The following KLHL17 variants were observed in gnomAD, a reference collection of about 807,000 sequenced individuals.
KLHL17 encodes kelch like family member 17.
In KLHL17, 71 loss-of-function variants were observed where a neutral mutation model predicts 64.6. The ratio of observed to expected loss-of-function variants is 1.10; its 90% CI spans 0.91 to 1.34. The LOEUF (loss-of-function observed/expected upper bound fraction) is 1.34. KLHL17 is among the 40% of genes most tolerant of loss of function. The probability of loss-of-function intolerance (pLI) is 0.00; values close to 1 mark genes in which losing one functional copy is unlikely to be tolerated. For missense variants in KLHL17, 1,140 were observed against 935.0 expected (o/e 1.22, Z -2.86); for synonymous variants, 612 against 405.4 (o/e 1.51, Z -6.12).
In KLHL17 at chr1:961,500, G is replaced by T; in HGVS notation, c.315G>T (p.Ala105=). ...ACGTGGCTGCCAAGGAGATCCGTGC[G>T]CACAAAGTGGTGCTGGCCTCCTGCA... ...VLHVAAKEIR[A]HKVVLASCSP... Residue 105 remains alanine (A), a synonymous_variant, in exon 2 of 12, where the codon GCG becomes GCT. Transcript: ENST00000338591. 1 of 1,612,532 alleles carries T rather than the reference G, an allele frequency of 6.2e-7. No individual in the cohort carries two copies.
In KLHL17 at chr1:964,544, C is replaced by A. The variant is rs1232319559; in HGVS notation, c.1700+14C>A. On this transcript the variant is annotated intron_variant, in intron 11 of 11. Transcript: ENST00000338591. The stretch of plus-strand genomic sequence containing the variant: ...GAATATCCGCAGGTCCGCAGTGGGG[C>A]TGCGGGGAGGGGGGCGCGGGTCCGC... The A allele has an allele frequency of 1.4e-5, 20 of 1,402,668 alleles. 7 individuals are homozygous for A. The highest frequency in any genetic ancestry group is 9.6e-6 in the Non-Finnish European group (10 of 1,045,360). The allele number at this position is 1,402,668 out of a possible 1,614,324, so 86.9% of individuals were successfully genotyped here. A position where few individuals can be genotyped will look rare whatever the true frequency, so the allele number is the denominator to read the frequency against.
rs148999970 is a variant in KLHL17, at chr1:962,802, C to T, written c.927C>T (p.Asp309=). ...SLVRHHPDCK[D]LLIEALKFHL... ...TGAGGCACCACCCTGACTGCAAGGA[C>T]CTCCTCATCGAGGCCCTGAAGTTCC... Residue 309 remains aspartate (D), a synonymous_variant, in exon 6 of 12, where the codon GAC becomes GAT. Coordinates refer to ENST00000338591, the MANE Select transcript of KLHL17 (RefSeq NM_198317.3). 6.3e-5 allele frequency: 101 copies of T among 1,610,412 alleles called. No homozygotes were observed. The highest frequency in any genetic ancestry group is 3.1e-4 in the African/African-American group (23 of 75,034).
intron 9 of KLHL17, 31 bp from the exon 10 acceptor site, chr1:964,076 G>C: frequency 6.2e-7 from 1 of 1,612,676 alleles, no homozygotes; most frequent in Non-Finnish European, 8.5e-7. Context: ...ACTCCCAGCA[G>C]GAGTGCCACG....
rs748181786 is a variant in KLHL17 at position 961,507 on chromosome 1, G to C, written c.322G>C (p.Val108Leu). 2 of 1,612,582 alleles carry C rather than the reference G, an allele frequency of 1.2e-6. No individual in the cohort carries two copies. Among genetic ancestry groups the C allele is most frequent in the Admixed American group, 1.7e-5 (1 of 60,016 alleles). Residue 108 changes from valine (V) to leucine (L), a missense_variant, in exon 2 of 12, where the codon GTG becomes CTG. Coordinates refer to ENST00000338591, the MANE Select transcript of KLHL17 (RefSeq NM_198317.3). The part of the protein sequence containing the change: ...VAAKEIRAHK[V>L]VLASCSPYFH... ...TGCCAAGGAGATCCGTGCGCACAAAGTGGTGCTGGCCTCCTGCAGCCCCTA... is the reference window on the plus strand; with the variant it reads ...TGCCAAGGAGATCCGTGCGCACAAACTGGTGCTGGCCTCCTGCAGCCCCTA...
At position 961,871 on chromosome 1, in the gene KLHL17, G is replaced by A. The variant is rs150756317; in HGVS notation, c.535G>A (p.Asp179Asn). 1.2e-6 allele frequency: 2 copies of A among 1,612,152 alleles called. No homozygotes were observed. The highest frequency in any genetic ancestry group is 1.1e-5 in the South Asian group (1 of 91,088). ...ASLLQLNGVR[D>N]ACCKFLLSQL... ...TCTCCTGCAGCTGAATGGCGTCCGA[G>A]ACGCTTGCTGCAAGTTTCTACTGAG... The change falls in exon 4 of 12, where the codon GAC becomes AAC. Residue 179 changes from aspartate (D) to asparagine (N), a missense_variant. Asp to Asn is a conservative substitution (Grantham distance 23, BLOSUM62 1). Coordinates refer to ENST00000338591, the MANE Select transcript of KLHL17 (RefSeq NM_198317.3).
In KLHL17 at chr1:963,797, C is replaced by T. The variant is rs1018152489; in HGVS notation, c.1356-123C>T. 24 of 1,166,176 alleles carry T rather than the reference C, an allele frequency of 2.1e-5. No homozygotes were observed. The East Asian group carries it at 4.7e-4, about 23-fold the overall frequency. 72.2% of individuals were successfully genotyped at this position (1,166,176 alleles called of 1,614,324 possible). A position where few individuals can be genotyped will look rare whatever the true frequency, so the allele number is the denominator to read the frequency against. On this transcript the variant is annotated intron_variant, in intron 8 of 11. Coordinates refer to ENST00000338591, the MANE Select transcript of KLHL17 (RefSeq NM_198317.3). Reference sequence around the variant, plus strand: ...CACCAGCGGGCCCTGCCTGGTAGGACTTTGCGGTCTGAGTTTGACTCCTAG... The same window carrying T: ...CACCAGCGGGCCCTGCCTGGTAGGATTTTGCGGTCTGAGTTTGACTCCTAG...
intron 5 of KLHL17, 84 bp downstream of exon 5, chr1:962,555 G>A (rs541059567): frequency 1.0e-5 from 16 of 1,560,438 alleles, no homozygotes; most frequent in Middle Eastern, 4.2e-4. Flanking sequence ...GACCTTCCCC[G>A]AGTTCAGGGA....
intron 5 of KLHL17, 71 bp from the exon 6 acceptor site, chr1:962,633 G>T: frequency 6.5e-7 from 1 of 1,529,768 alleles, no homozygotes; most frequent in South Asian, 1.3e-5. Flanking sequence ...GGGCATCTGG[G>T]GGGTTGTCTC....
At position 961,696 on chromosome 1, in the gene KLHL17, G is replaced by A. The variant is rs1234980804; in HGVS notation, c.435G>A (p.Gln145=). ...LHDIDPQALD[Q]LVQFAYTAEI... ...ACATCGACCCTCAGGCCTTGGACCA[G>A]CTGGTGCAGTTTGCCTACACGGCTG... is the stretch of plus-strand genomic sequence containing the variant. The change falls in exon 3 of 12, where the codon CAG becomes CAA. Residue 145 remains glutamine, a synonymous_variant. Coordinates refer to ENST00000338591, the MANE Select transcript of KLHL17 (RefSeq NM_198317.3). 1.2e-6 allele frequency: 2 copies of A among 1,612,386 alleles called. No individual in the cohort carries two copies. Among genetic ancestry groups the A allele is most frequent in the Non-Finnish European group, 1.7e-6 (2 of 1,179,550 alleles).
In KLHL17 at chr1:962,735, G is replaced by T; in HGVS notation, c.860G>T (p.Ser287Ile). The change falls in exon 6 of 12, where the codon AGC (serine) becomes ATC (isoleucine). Residue 287 changes from serine to isoleucine, a missense_variant. Transcript: ENST00000338591. ...AAGTGTGTGCGGCTGCCCTTGCTGAGCCGCGACTTCCTGCTGGGCCACGTG... is the reference window on the plus strand; with the variant it reads ...AAGTGTGTGCGGCTGCCCTTGCTGATCCGCGACTTCCTGCTGGGCCACGTG... The part of the protein sequence containing the change: ...LMKCVRLPLL[S>I]RDFLLGHVDA... 1 of 1,609,060 alleles carries T rather than the reference G, an allele frequency of 6.2e-7. No homozygotes were observed. Among genetic ancestry groups the T allele is most frequent in the Admixed American group, 1.7e-5 (1 of 59,794 alleles).
Position 965,201 on chromosome 1 carries a change from C to T in KLHL17, c.*10C>T, listed in dbSNP as rs1642893125. The T allele has an allele frequency of 6.2e-7, 1 of 1,609,718 alleles. No individual in the cohort carries two copies. Among genetic ancestry groups the T allele is most frequent in the Non-Finnish European group, 8.5e-7 (1 of 1,177,802 alleles). ...CTCCACCAGCCTCTGACCCACCTAC[C>T]ACCAGAGGCCTGCAGCCTCCCACAT... On this transcript the variant is annotated 3_prime_UTR_variant, in exon 12 of 12. Transcript: ENST00000338591.
intron 10 of KLHL17, 27 bp downstream of exon 10, chr1:964,207 C>T (rs764777757): frequency 3.1e-6 from 5 of 1,611,516 alleles, no homozygotes; most frequent in Non-Finnish European, 4.2e-6. Flanking sequence ...TCCTGGCCAC[C>T]CCCTCCCGTG....
At chr1:962,318 C>T (rs749849032) in intron 4 of KLHL17, 37 bp from the exon 5 acceptor site, 4 of 1,611,116 alleles carry the variant, frequency 2.5e-6, no homozygotes, top group East Asian at 2.2e-5. Flanking sequence ...CCACAGGACC[C>T]TCCCCAGATC....
Position 962,994 on chromosome 1 carries a change from G to T in KLHL17, c.1042+77G>T, listed in dbSNP as rs772776562. 1.2e-4 allele frequency: 190 copies of T among 1,520,432 alleles called. 1 individual carries two copies. The highest frequency in any genetic ancestry group is 3.5e-4 in the Admixed American group (18 of 51,176). 94.2% of individuals were successfully genotyped at this position (1,520,432 alleles called of 1,614,324 possible). ...AGCACAAGCCCACCCCACCTGTGCC[G>T]GTCAGGTCCTGACCTGCCCCTCCGC... On this transcript the variant is annotated intron_variant, in intron 6 of 11. Transcript: ENST00000338591.
chr1:961,646 C>G lies in KLHL17; in HGVS notation c.385C>G (p.Arg129Gly). 1 of 1,612,754 alleles carries G rather than the reference C, an allele frequency of 6.2e-7. No individual in the cohort carries two copies. The highest frequency in any genetic ancestry group is 1.1e-5 in the South Asian group (1 of 91,076). Residue 129 changes from arginine to glycine, a missense_variant, in exon 3 of 12, where the codon CGC becomes GGC. Coordinates refer to ENST00000338591, the MANE Select transcript of KLHL17 (RefSeq NM_198317.3). ...AMFTNEMSES[R>G]QTHVTLHDID... ...CCCCGCAGATGAGATGAGCGAGAGCCGCCAGACCCACGTGACGCTGCACGA... is the reference window on the plus strand; with the variant it reads ...CCCCGCAGATGAGATGAGCGAGAGCGGCCAGACCCACGTGACGCTGCACGA...
At position 960,817 on chromosome 1, in the gene KLHL17, C is replaced by T. The variant is rs1642604483; in HGVS notation, c.107+17C>T. The T allele has an allele frequency of 1.0e-6, 1 of 995,770 alleles. No individual in the cohort carries two copies. The allele number at this position is 995,770 out of a possible 1,614,324, so 61.7% of individuals were successfully genotyped here. A position where few individuals can be genotyped will look rare whatever the true frequency, so the allele number is the denominator to read the frequency against. Reference sequence around the variant, plus strand: ...GCCGCCGGCGTGAGTGGGCGGGGGTCGGGGCGCGGGGGGCGGCCTCGGGAC... The same window carrying T: ...GCCGCCGGCGTGAGTGGGCGGGGGTTGGGGCGCGGGGGGCGGCCTCGGGAC... On this transcript the variant is annotated intron_variant, in intron 1 of 11. Coordinates refer to ENST00000338591, the MANE Select transcript of KLHL17 (RefSeq NM_198317.3).
In KLHL17 at chr1:965,271, C is replaced by T. The variant is rs892846303; in HGVS notation, c.*80C>T. ...CCCCACCAGGGACGTCCTGCGCCAT[C>T]CGTTCACGTCTCTGCATCCATTCCT... is the stretch of plus-strand genomic sequence containing the variant. On this transcript the variant is annotated 3_prime_UTR_variant, in exon 12 of 12. Transcript: ENST00000338591. 2.8e-6 allele frequency: 3 copies of T among 1,065,218 alleles called. No individual in the cohort carries two copies. Among genetic ancestry groups the T allele is most frequent in the Admixed American group, 2.3e-5 (1 of 43,360 alleles). 66.0% of individuals were successfully genotyped at this position (1,065,218 alleles called of 1,614,324 possible). A position where few individuals can be genotyped will look rare whatever the true frequency, so the allele number is the denominator to read the frequency against.
At position 965,452 on chromosome 1, in the gene KLHL17, C is replaced by T. The variant is rs569884644; in HGVS notation, c.*261C>T. The T allele has an allele frequency of 4.3e-5, 23 of 540,074 alleles. No individual in the cohort carries two copies. The highest frequency in any genetic ancestry group is 1.2e-4 in the South Asian group (5 of 41,804). 33.5% of individuals were successfully genotyped at this position (540,074 alleles called of 1,614,324 possible). A position where few individuals can be genotyped will look rare whatever the true frequency, so the allele number is the denominator to read the frequency against. ...ATGGGGGGCGCGGGGAGTGACCAGGCGGGGGCCTCACCGCCCCAGGGCCGT... is the reference window on the plus strand; with the variant it reads ...ATGGGGGGCGCGGGGAGTGACCAGGTGGGGGCCTCACCGCCCCAGGGCCGT... On this transcript the variant is annotated 3_prime_UTR_variant, in exon 12 of 12. Coordinates refer to ENST00000338591, the MANE Select transcript of KLHL17 (RefSeq NM_198317.3).
intron 7 of KLHL17, 22 bp from the exon 8 acceptor site, chr1:963,315 T>A (rs1384259901): frequency 6.2e-7 from 1 of 1,602,308 alleles, no homozygotes; most frequent in African/African-American, 1.3e-5. Flanking sequence ...AGTCTTGACC[T>A]GCAGTGGCTT....
Sources: allele counts gnomAD v4.1 joint callset, GRCh38; gene constraint gnomAD v4.1.1; transcripts MANE v1.5; gene names NCBI Gene and HGNC (gene_info 2026-07-23, HGNC 2026-07-21).